The following RAB30 variants were observed in gnomAD, a reference collection of about 807,000 sequenced individuals.
RAB30 encodes ras-related protein Rab-30.
RAB30 carries 9 observed loss-of-function variants against 25.1 expected under a neutral mutation model. The ratio of observed to expected loss-of-function variants is 0.36; its 90% CI spans 0.22 to 0.63. The LOEUF (loss-of-function observed/expected upper bound fraction) is 0.63, where lower values mean the gene tolerates loss of function less well. Ranked by LOEUF, RAB30 falls within the 20% of genes least tolerant of loss-of-function variation. The pLI, the probability that RAB30 is intolerant of heterozygous loss-of-function variation, is 0.69. For synonymous variants in RAB30, 77 were observed against 86.4 expected, an observed-to-expected ratio of 0.89 and a Z score of 0.60; for missense variants, 140 against 243.5, an observed-to-expected ratio of 0.58 and a Z score of 2.83.
intron 1 of RAB30, among the ~76,000 whole-genome samples, chr11:83,061,132 T>C (rs1858565176): frequency 1.3e-5 from 2 of 152,150 alleles, no homozygotes. Flanking sequence ...TCCCAGGGTC[T>C]CCAGCTCATA....
intron 2 of RAB30, among the ~76,000 whole-genome samples, chr11:82,994,589 A>G (rs1194993966): frequency 6.6e-6 from 1 of 152,216 alleles, no homozygotes; most frequent in Non-Finnish European, 1.5e-5. Context: ...TTGAGCATGG[A>G]CAGCCACGGG....
intron 1 of RAB30, among the ~76,000 whole-genome samples, chr11:83,052,342 A>G (rs1858374740): frequency 6.6e-6 from 1 of 152,200 alleles, no homozygotes; most frequent in Non-Finnish European, 1.5e-5. Context: ...AGGATTTGTG[A>G]CTTGAGCCAA....
intron 1 of RAB30, among the ~76,000 whole-genome samples, chr11:83,057,525 T>A (rs1590879255): frequency 6.6e-6 from 1 of 152,198 alleles, no homozygotes; most frequent in Admixed American, 6.5e-5. Context: ...TTAACATGGC[T>A]AATTAAAATA....
At chr11:82,993,001 A>AG (rs1402869187) in intron 3 of RAB30, among the ~76,000 whole-genome samples, 3 of 152,184 alleles carry the variant, frequency 2.0e-5, no homozygotes, top group African/African-American at 7.2e-5. Context: ...GAGCCACTGT[A>AG]CCAGGCCTTG....
intron 3 of RAB30, among the ~76,000 whole-genome samples, chr11:82,992,772 C>T (rs935956965): frequency 1.3e-5 from 2 of 150,924 alleles, no homozygotes; most frequent in Admixed American, 6.6e-5. Flanking sequence ...CACACACACA[C>T]GGTCTCGTTC....
chr11:83,006,064 G>A (rs1857177928), intron 1 of RAB30, among the ~76,000 whole-genome samples: 1 of 152,074 alleles, frequency 6.6e-6, no homozygotes, highest in Middle Eastern at 3.4e-3. Context: ...ATTCATCTCA[G>A]ATTGGCCAAG....
At chr11:83,057,212 T>C (rs1253136192) in intron 1 of RAB30, among the ~76,000 whole-genome samples, 1 of 152,106 alleles carries the variant, frequency 6.6e-6, no homozygotes, top group African/African-American at 2.4e-5. Flanking sequence ...TTTTTTTTTT[T>C]TTTAGTGCTA....
At chr11:82,996,223 CTT>C (rs1856955812) in intron 2 of RAB30, among the ~76,000 whole-genome samples, 1 of 152,206 alleles carries the variant, frequency 6.6e-6, no homozygotes, top group Admixed American at 6.5e-5. Flanking sequence ...CAATCTGTCT[CTT>C]TCGTTTTCCG....
At chr11:83,065,070 T>C (rs77462992) in intron 1 of RAB30, among the ~76,000 whole-genome samples, 1,524 of 152,236 alleles carry the variant, frequency 0.01, 17 homozygotes, top group Middle Eastern at 0.044. Flanking sequence ...TCTGGATTTG[T>C]CTGATTATTT....
chr11:83,001,222 A>G (rs1388015723), intron 1 of RAB30, among the ~76,000 whole-genome samples: 1 of 152,108 alleles, frequency 6.6e-6, no homozygotes, highest in Non-Finnish European at 1.5e-5. Context: ...TGTTTTTGAG[A>G]CAGGATCTTG....
intron 1 of RAB30, among the ~76,000 whole-genome samples, chr11:83,050,497 G>A (rs747788506): frequency 2.6e-5 from 4 of 152,158 alleles, no homozygotes; most frequent in Non-Finnish European, 4.4e-5. Context: ...AAATGAAAAG[G>A]GGAGAGGCAG....
intron 1 of RAB30, among the ~76,000 whole-genome samples, chr11:83,054,605 A>G (rs1858419355): frequency 6.6e-6 from 1 of 152,170 alleles, no homozygotes; most frequent in African/African-American, 2.4e-5. Context: ...ACACCTCTGT[A>G]GTCCTAGTTA....
chr11:83,048,634 T>G (rs1281923442), intron 1 of RAB30, among the ~76,000 whole-genome samples: 1 of 152,164 alleles, frequency 6.6e-6, no homozygotes, highest in Non-Finnish European at 1.5e-5. Flanking sequence ...TCTGCTGACC[T>G]TTCTATGAAC....
chr11:83,055,380 G>T (rs983077549), intron 1 of RAB30, among the ~76,000 whole-genome samples: 5 of 152,178 alleles, frequency 3.3e-5, no homozygotes, highest in African/African-American at 1.2e-4. Flanking sequence ...CATGAACTTG[G>T]AGATCTGTTC....
intron 1 of RAB30, among the ~76,000 whole-genome samples, chr11:83,043,362 T>A (rs1432709129): frequency 1.3e-5 from 2 of 152,186 alleles, no homozygotes; most frequent in African/African-American, 4.8e-5. Context: ...GTTGATCAGC[T>A]GAGCCTAATC....
At chr11:83,037,563 A>T (rs1313101860) in intron 1 of RAB30, among the ~76,000 whole-genome samples, 4 of 151,896 alleles carry the variant, frequency 2.6e-5, no homozygotes, top group East Asian at 1.9e-4. Flanking sequence ...TGAATTTTTT[A>T]AAAAATAATG....
At chr11:82,997,158 C>A in intron 2 of RAB30, 66 bp downstream of exon 2, 2 of 1,355,384 alleles carry the variant, frequency 1.5e-6, no homozygotes, top group Non-Finnish European at 2.1e-6. Flanking sequence ...CAGATTCCCC[C>A]AACCCCTCAG....
In RAB30 at chr11:83,010,709, G is replaced by A. The variant is rs541907077; in HGVS notation, c.-8-13385C>T. On this transcript the variant is annotated intron_variant, in intron 1 of 4. Transcript: ENST00000527633. ...TTGGCACATACCAAAAGCCATAAAAGAATCCAAACCTTTCATGCAGTTAGC... is the reference window on the plus strand; with the variant it reads ...TTGGCACATACCAAAAGCCATAAAAAAATCCAAACCTTTCATGCAGTTAGC... Among the ~76,000 whole-genome samples the A allele has an allele frequency of 3.5e-3, 535 of 152,224 alleles. 8 individuals are homozygous for A. Among genetic ancestry groups the A allele is most frequent in the Non-Finnish European group, 4.4e-3 (298 of 68,008 alleles).
chr11:82,985,350 G>A (rs1294076977), intron 4 of RAB30, among the ~76,000 whole-genome samples: 1 of 152,122 alleles, frequency 6.6e-6, no homozygotes, highest in East Asian at 1.9e-4. Context: ...AGATACTGGA[G>A]AACCAGCTTA....
Sources: gnomAD v4.1 joint callset for allele counts (sites outside exome capture counted in the v4.1 genomes callset) on GRCh38, gnomAD v4.1.1 for gene constraint, MANE v1.5 for transcripts, NCBI Gene and HGNC (gene_info 2026-07-23, HGNC 2026-07-21) for gene names.